The following BLNK variants were observed in gnomAD, a reference collection of about 807,000 sequenced individuals.
BLNK encodes B-cell linker protein.
In BLNK, 29 loss-of-function variants were observed where a neutral mutation model predicts 73.5. The ratio of observed to expected loss-of-function variants is 0.39; its 90% CI spans 0.29 to 0.54. BLNK has a LOEUF of 0.54. BLNK is among the 20% of genes least tolerant of loss of function. BLNK has a pLI of 0.61. For synonymous variants in BLNK, 176 were observed against 200.8 expected (o/e 0.88, Z 1.04); for missense variants, 460 against 562.8 (o/e 0.82, Z 1.85).
At chr10:96,230,981 A>G in intron 3 of BLNK, 147 bp from the exon 4 acceptor site, 1 of 753,946 alleles carries the variant, frequency 1.3e-6, no homozygotes, top group Non-Finnish European at 2.3e-6. Flanking sequence ...TACTACAATC[A>G]TATGTTCACT....
At chr10:96,261,778 G>A (rs909239563) in intron 1 of BLNK, among the ~76,000 whole-genome samples, 1 of 152,098 alleles carries the variant, frequency 6.6e-6, no homozygotes, top group African/African-American at 2.4e-5. Flanking sequence ...GATTCTCATA[G>A]TTATTTGCAG....
At chr10:96,242,530 A>G (rs1554906489) in intron 3 of BLNK, among the ~76,000 whole-genome samples, 2 of 152,214 alleles carry the variant, frequency 1.3e-5, no homozygotes, top group Admixed American at 6.5e-5. Flanking sequence ...TAAGTGACCA[A>G]TAAATAGGTG....
intron 1 of BLNK, among the ~76,000 whole-genome samples, chr10:96,255,918 C>G (rs1458050788): frequency 6.6e-6 from 1 of 152,216 alleles, no homozygotes; most frequent in African/African-American, 2.4e-5. Context: ...CAAGCCTGAG[C>G]TTTTTGTCAT....
At chr10:96,261,618 T>TA (rs1417239567) in intron 1 of BLNK, among the ~76,000 whole-genome samples, 6 of 152,194 alleles carry the variant, frequency 3.9e-5, no homozygotes, top group African/African-American at 1.4e-4. Context: ...CCTGCCATGG[T>TA]AAAAAAGAGA....
At chr10:96,224,770 T>C (rs2084279760) in intron 5 of BLNK, among the ~76,000 whole-genome samples, 1 of 152,240 alleles carries the variant, frequency 6.6e-6, no homozygotes, top group Non-Finnish European at 1.5e-5. Context: ...TGATCTCTGG[T>C]TACTGCAACC....
At chr10:96,268,457 G>A (rs1554914780) in intron 1 of BLNK, among the ~76,000 whole-genome samples, 3 of 151,828 alleles carry the variant, frequency 2.0e-5, no homozygotes, top group South Asian at 2.1e-4. Context: ...AAGACCCTAA[G>A]TGTCTATGGA....
At chr10:96,265,119 CTTAT>C (rs55872216) in intron 1 of BLNK, among the ~76,000 whole-genome samples, 2,673 of 137,008 alleles carry the variant, frequency 0.02, 49 homozygotes, top group African/African-American at 0.05. Context: ...CCACACCAGA[CTTAT>C]TTATTTATTT....
Position 96,191,707 on chromosome 10 carries a change from A to T in BLNK, c.*266T>A, listed in dbSNP as rs1591285206. 6.2e-6 allele frequency: 2 copies of T among 321,494 alleles called. No individual in the cohort carries two copies. The highest frequency in any genetic ancestry group is 4.6e-5 in the Admixed American group (1 of 21,864). The allele number at this position is 321,494 out of a possible 1,614,324, so 19.9% of individuals were successfully genotyped here. A position where few individuals can be genotyped will look rare whatever the true frequency, so the allele number is the denominator to read the frequency against. On this transcript the variant is annotated 3_prime_UTR_variant, in exon 17 of 17. Transcript: ENST00000224337. ...GATAATATACTTTACACTTATTTTTAAAAATAAAAATATTTATTTGGAAAA... is the reference window on the plus strand; with the variant it reads ...GATAATATACTTTACACTTATTTTTTAAAATAAAAATATTTATTTGGAAAA...
At chr10:96,203,809 G>T in intron 13 of BLNK, 1 of 347,766 alleles carries the variant, frequency 2.9e-6, no homozygotes. Context: ...AAAAAAGGAT[G>T]CATGATCAGT....
chr10:96,266,263 A>G (rs1269964039), intron 1 of BLNK, among the ~76,000 whole-genome samples: 2 of 152,288 alleles, frequency 1.3e-5, no homozygotes, highest in East Asian at 3.9e-4. Flanking sequence ...TCAATCCAGT[A>G]ATCTAGGAGG....
intron 3 of BLNK, 70 bp downstream of exon 3, chr10:96,242,665 A>G: frequency 7.1e-7 from 1 of 1,411,384 alleles, no homozygotes; most frequent in Non-Finnish European, 1.0e-6. Context: ...TTCCCTTTCC[A>G]TAAGCCTAAA....
At chr10:96,203,152 C>T (rs2083693988) in intron 13 of BLNK, among the ~76,000 whole-genome samples, 1 of 152,108 alleles carries the variant, frequency 6.6e-6, no homozygotes, top group Non-Finnish European at 1.5e-5. Context: ...TAGAACAATG[C>T]CTGGCACACG....
At position 96,189,430 on chromosome 10, in the gene BLNK, C is replaced by T; in HGVS notation, c.*2543G>A. The T allele has an allele frequency of 1.6e-6, 1 of 606,692 alleles. No homozygotes were observed. Among genetic ancestry groups the T allele is most frequent in the Non-Finnish European group, 3.1e-6 (1 of 320,238 alleles). The allele number at this position is 606,692 out of a possible 1,614,324, so 37.6% of individuals were successfully genotyped here. Reference sequence around the variant, plus strand: ...TCAGTTGTCCGGAAGCAATTCTTCACATAATTGATGAACTTGGCTTCCACT... The same window carrying T: ...TCAGTTGTCCGGAAGCAATTCTTCATATAATTGATGAACTTGGCTTCCACT... On this transcript the variant is annotated 3_prime_UTR_variant, in exon 17 of 17. Coordinates refer to ENST00000224337, the MANE Select transcript of BLNK (RefSeq NM_013314.4).
At chr10:96,214,420 C>T (rs964514873) in intron 8 of BLNK, among the ~76,000 whole-genome samples, 4 of 152,068 alleles carry the variant, frequency 2.6e-5, no homozygotes, top group African/African-American at 4.8e-5. Context: ...AGGAGTTCAG[C>T]GGCTCAGTCC....
intron 6 of BLNK, among the ~76,000 whole-genome samples, chr10:96,220,284 T>C (rs1203616618): frequency 6.6e-6 from 1 of 152,116 alleles, no homozygotes; most frequent in African/African-American, 2.4e-5. Context: ...TCCATGTCAT[T>C]AATCTTGTCA....
chr10:96,265,580 C>T (rs11188691), intron 1 of BLNK, among the ~76,000 whole-genome samples: 1 of 152,080 alleles, frequency 6.6e-6, no homozygotes, highest in Non-Finnish European at 1.5e-5. Flanking sequence ...AAATGCAGGC[C>T]TAAGGATTTA....
rs1309999209 is a variant in BLNK at position 96,191,337 on chromosome 10, T to C, written c.*636A>G. Among the ~76,000 whole-genome samples, 2 of 151,808 alleles carry C rather than the reference T, an allele frequency of 1.3e-5. No individual in the cohort carries two copies. Among genetic ancestry groups the C allele is most frequent in the Non-Finnish European group, 2.9e-5 (2 of 67,890 alleles). Reference sequence around the variant, plus strand: ...CAAACCTCATATCAAGTTTAGGTTCTATTTGATAGACATGTAGATCAAAGA... The same window carrying C: ...CAAACCTCATATCAAGTTTAGGTTCCATTTGATAGACATGTAGATCAAAGA... On this transcript the variant is annotated 3_prime_UTR_variant, in exon 17 of 17. Transcript: ENST00000224337.
At chr10:96,222,458 T>C (rs1554901351) in intron 6 of BLNK, among the ~76,000 whole-genome samples, 1 of 152,200 alleles carries the variant, frequency 6.6e-6, no homozygotes, top group East Asian at 1.9e-4. Flanking sequence ...TTAGGCTTTA[T>C]CAGTTACTAC....
rs150495829 is a variant in BLNK, at chr10:96,189,698, A to AATCATCATCATC, written c.*2263_*2274dup. Reference sequence around the variant, plus strand: ...TTTTCTTCAGTTTCCTCATCATCAAAATCATCATCATCATCATCATCATCA... The same window carrying AATCATCATCATC: ...TTTTCTTCAGTTTCCTCATCATCAAAATCATCATCATCATCATCATCATCATCATCATCATCA... On this transcript the variant is annotated 3_prime_UTR_variant, in exon 17 of 17. Transcript: ENST00000224337. 45 of 655,438 alleles carry AATCATCATCATC rather than the reference A, an allele frequency of 6.9e-5. No individual in the cohort carries two copies. Among genetic ancestry groups the AATCATCATCATC allele is most frequent in the East Asian group, 3.7e-4 (14 of 37,676 alleles). 40.6% of individuals were successfully genotyped at this position (655,438 alleles called of 1,614,324 possible).
Sources: allele counts gnomAD v4.1 joint callset (sites outside exome capture counted in the v4.1 genomes callset), GRCh38; gene constraint gnomAD v4.1.1; transcripts MANE v1.5; gene names NCBI Gene and HGNC (gene_info 2026-07-23, HGNC 2026-07-21).